The following STIM2 variants were observed in gnomAD, a reference collection of about 807,000 sequenced individuals.
STIM2 encodes the protein stromal interaction molecule 2.
In STIM2, 31 loss-of-function variants were observed where a neutral mutation model predicts 85.8. The ratio of observed to expected loss-of-function variants is 0.36; its 90% CI spans 0.27 to 0.49. The LOEUF is 0.49. STIM2 is among the 20% of genes least tolerant of loss of function. The pLI is 0.98. For synonymous variants in STIM2, 356 were observed against 331.1 expected, an observed-to-expected ratio of 1.08 and a Z score of -0.82; for missense variants, 841 against 927.6, an observed-to-expected ratio of 0.91 and a Z score of 1.21.
chr4:26,901,646 A>G (rs1723924217), intron 1 of STIM2, among the ~76,000 whole-genome samples: 1 of 152,080 alleles, frequency 6.6e-6, no homozygotes, highest in South Asian at 2.1e-4. Context: ...TTCTTTCTTT[A>G]TTTTTAAAAT....
chr4:26,917,054 G>A (rs1275675554), intron 1 of STIM2, among the ~76,000 whole-genome samples: 2 of 152,116 alleles, frequency 1.3e-5, no homozygotes, highest in African/African-American at 4.8e-5. Flanking sequence ...AATATGTTCA[G>A]CTAAAATGGG....
chr4:26,968,345 A>G (rs1458725712), intron 3 of STIM2, among the ~76,000 whole-genome samples: 1 of 152,200 alleles, frequency 6.6e-6, no homozygotes. Flanking sequence ...ATACAATGGA[A>G]TAGTAAGAAA....
At chr4:26,909,951 G>A (rs1382250269) in intron 1 of STIM2, among the ~76,000 whole-genome samples, 1 of 152,178 alleles carries the variant, frequency 6.6e-6, no homozygotes, top group Non-Finnish European at 1.5e-5. Flanking sequence ...GGTTTCACTT[G>A]TATAAGTCAG....
At chr4:26,903,936 G>C (rs1342310703) in intron 1 of STIM2, among the ~76,000 whole-genome samples, 1 of 150,630 alleles carries the variant, frequency 6.6e-6, no homozygotes, top group Non-Finnish European at 1.5e-5. Context: ...TTAATCTTAG[G>C]GTCTAAAAAC....
At chr4:26,980,739 C>T (rs1266207228) in intron 3 of STIM2, among the ~76,000 whole-genome samples, 2 of 152,072 alleles carry the variant, frequency 1.3e-5, no homozygotes, top group Non-Finnish European at 2.9e-5. Context: ...AGATTATTTC[C>T]AAATGCAAAC....
chr4:26,932,351 T>G (rs1725235253), intron 2 of STIM2, among the ~76,000 whole-genome samples: 1 of 152,164 alleles, frequency 6.6e-6, no homozygotes, highest in Non-Finnish European at 1.5e-5. Context: ...ATAATGTAAG[T>G]GGTCAGTCGG....
intron 1 of STIM2, among the ~76,000 whole-genome samples, chr4:26,876,165 T>C (rs891011703): frequency 6.6e-6 from 1 of 152,184 alleles, no homozygotes; most frequent in Admixed American, 6.5e-5. Flanking sequence ...TGGAAAAGGT[T>C]TGGGGTAAAC....
chr4:26,946,157 A>G (rs1023590794), intron 2 of STIM2, among the ~76,000 whole-genome samples: 20 of 152,170 alleles, frequency 1.3e-4, no homozygotes, highest in Non-Finnish European at 1.5e-5. Context: ...TTTCAGTTGT[A>G]TAAAGATAGT....
At chr4:26,910,922 G>T (rs1189037726) in intron 1 of STIM2, among the ~76,000 whole-genome samples, 1 of 152,070 alleles carries the variant, frequency 6.6e-6, no homozygotes, top group East Asian at 1.9e-4. Flanking sequence ...CTAAGGAATT[G>T]AGTTTGTATG....
chr4:26,965,675 T>C (rs987049111), intron 3 of STIM2, among the ~76,000 whole-genome samples: 9 of 152,170 alleles, frequency 5.9e-5, no homozygotes, highest in African/African-American at 1.9e-4. Context: ...TCTTCCTCTT[T>C]CACTTAAGTA....
chr4:27,023,235 G>T lies in STIM2; in HGVS notation c.*239G>T. On this transcript the variant is annotated 3_prime_UTR_variant, in exon 12 of 12. Coordinates refer to ENST00000467087, the MANE Select transcript of STIM2 (RefSeq NM_020860.4). ...ACTGAAAAATCATTGAAATGAGACA[G>T]TTTACAGTCATTTCTGCCTATTTAT... 2.1e-6 allele frequency: 1 copy of T among 482,354 alleles called. No homozygotes were observed. The highest frequency in any genetic ancestry group is 2.9e-5 in the South Asian group (1 of 33,922). The allele number at this position is 482,354 out of a possible 1,614,324, so 29.9% of individuals were successfully genotyped here. A position where few individuals can be genotyped will look rare whatever the true frequency, so the allele number is the denominator to read the frequency against.
intron 7 of STIM2, among the ~76,000 whole-genome samples, chr4:27,004,341 G>A (rs1304208072): frequency 6.6e-6 from 1 of 152,074 alleles, no homozygotes. Flanking sequence ...AGCACAGAAT[G>A]TAGCAAAGAA....
At chr4:27,011,188 C>T (rs1040777407) in intron 10 of STIM2, among the ~76,000 whole-genome samples, 1 of 152,164 alleles carries the variant, frequency 6.6e-6, no homozygotes, top group Non-Finnish European at 1.5e-5. Context: ...ATATCCATAA[C>T]ATTATATACA....
intron 1 of STIM2, among the ~76,000 whole-genome samples, chr4:26,905,130 A>T (rs1724077511): frequency 6.6e-6 from 1 of 152,192 alleles, no homozygotes; most frequent in Admixed American, 6.6e-5. Context: ...GATCAAGAAG[A>T]TACGAAATAG....
At chr4:27,016,882 G>A (rs539367182) in intron 10 of STIM2, among the ~76,000 whole-genome samples, 8 of 152,294 alleles carry the variant, frequency 5.3e-5, no homozygotes, top group African/African-American at 1.9e-4. Flanking sequence ...AATAGTGTTC[G>A]CTTCAGCAGG....
At chr4:26,990,368 T>C (rs187969313) in intron 3 of STIM2, among the ~76,000 whole-genome samples, 113 of 152,236 alleles carry the variant, frequency 7.4e-4, no homozygotes, top group Non-Finnish European at 1.5e-3. Context: ...GAATGGTCTG[T>C]TTAATAAATG....
intron 5 of STIM2, among the ~76,000 whole-genome samples, chr4:27,001,372 C>T (rs543334709): frequency 1.3e-5 from 2 of 152,152 alleles, no homozygotes; most frequent in South Asian, 2.1e-4. Flanking sequence ...TAGGCCCTGG[C>T]TCCTCACTCT....
At chr4:26,866,143 C>T (rs968124997) in intron 1 of STIM2, among the ~76,000 whole-genome samples, 4 of 152,124 alleles carry the variant, frequency 2.6e-5, no homozygotes, top group Non-Finnish European at 5.9e-5. Flanking sequence ...GCATAGTACT[C>T]AATAGTTCAA....
At position 26,880,635 on chromosome 4, in the gene STIM2, AT is replaced by A. The variant is rs2109035833; in HGVS notation, c.151+19267del. ...AATATATATGTAAATATATATATAA[AT>A]ATATATGTAAATATATATATAAATA... is the stretch of plus-strand genomic sequence containing the variant. On this transcript the variant is annotated intron_variant, in intron 1 of 11. Transcript: ENST00000467087. Among the ~76,000 whole-genome samples, 2 of 147,208 alleles carry A rather than the reference AT, an allele frequency of 1.4e-5. 1 individual carries two copies. Among genetic ancestry groups the A allele is most frequent in the South Asian group, 4.2e-4 (2 of 4,758 alleles).
Sources: allele counts gnomAD v4.1 joint callset (sites outside exome capture counted in the v4.1 genomes callset), GRCh38; gene constraint gnomAD v4.1.1; transcripts MANE v1.5; gene names NCBI Gene and HGNC (gene_info 2026-07-23, HGNC 2026-07-21).